Variants in SNPH observed in about 807,000 individuals in gnomAD.
The protein encoded by SNPH is syntaphilin.
Under a neutral mutation model 36.8 loss-of-function variants are expected in SNPH, and 10 were observed. That is an observed-to-expected ratio of 0.27 (90% confidence interval 0.17 to 0.46). The LOEUF is 0.46. Ranked by LOEUF, SNPH falls within the 20% of genes least tolerant of loss-of-function variation. The pLI is 1.00. For missense variants in SNPH, 622 were observed against 744.0 expected (o/e 0.84, Z 1.91); for synonymous variants, 281 against 312.2 (o/e 0.90, Z 1.05).
At position 1,304,833 on chromosome 20, in the gene SNPH, C is replaced by G. The variant is rs2088545820; in HGVS notation, c.441-45C>G. The G allele has an allele frequency of 3.2e-6, 5 of 1,540,446 alleles. No homozygotes were observed. The highest frequency in any genetic ancestry group is 1.7e-5 in the Admixed American group (1 of 58,504). On this transcript the variant is annotated intron_variant, in intron 6 of 6. Transcript: ENST00000381867. This position sits in a 1 kb window ranked among gnomAD's most constrained non-coding sequence, Gnocchi z 4.3. ...CTGCCTCTCCTTGGCGGTGACAGAC[C>G]AGGCAGGCAGGCAGTGAGCGTGTGT...
intron 2 of SNPH, among the ~76,000 whole-genome samples, chr20:1,278,495 C>T (rs145307931): frequency 3.3e-5 from 5 of 152,276 alleles, no homozygotes; most frequent in South Asian, 2.1e-4. Flanking sequence ...ACATCTCCAT[C>T]GTCCCCAAAA....
chr20:1,272,473 A>T lies in SNPH; in HGVS notation c.-493+5713A>T, dbSNP rs558845173. Among the ~76,000 whole-genome samples the T allele has an allele frequency of 2.0e-5, 3 of 152,374 alleles. No individual in the cohort carries two copies. In the South Asian group the frequency reaches 6.2e-4, roughly 32 times the overall value. ...CCTGCTCTCACCATTCTTGCCTACA[A>T]GAACATGTGCCCAATGTTGTCAGAT... On this transcript the variant is annotated intron_variant, in intron 2 of 6. Transcript: ENST00000381867.
At position 1,306,067 on chromosome 20, in the gene SNPH, T is replaced by A. The variant is rs4813082; in HGVS notation, c.*13T>A. 2.0e-5 allele frequency: 29 copies of A among 1,432,378 alleles called. No homozygotes were observed. Among genetic ancestry groups the A allele is most frequent in the Non-Finnish European group, 2.6e-5 (28 of 1,095,982 alleles). The allele number at this position is 1,432,378 out of a possible 1,614,324, so 88.7% of individuals were successfully genotyped here. A position where few individuals can be genotyped will look rare whatever the true frequency, so the allele number is the denominator to read the frequency against. Reference sequence around the variant, plus strand: ...CTCCCAGCTCTGAGGGGGCCCATTCTGGCAGCGGCGCCTGCGGCCTGACCA... The same window carrying A: ...CTCCCAGCTCTGAGGGGGCCCATTCAGGCAGCGGCGCCTGCGGCCTGACCA... On this transcript the variant is annotated 3_prime_UTR_variant, in exon 7 of 7. Coordinates refer to ENST00000381867, the MANE Select transcript of SNPH (RefSeq NM_001318234.2).
At position 1,286,569 on chromosome 20, in the gene SNPH, G is replaced by A. The variant is rs75309938; in HGVS notation, c.-492-8382G>A. 7.8e-3 allele frequency among the ~76,000 whole-genome samples: 1,195 copies of A among 152,258 alleles called. 18 individuals are homozygous for A. Among genetic ancestry groups the A allele is most frequent in the African/African-American group, 0.027 (1,117 of 41,550 alleles). On this transcript the variant is annotated intron_variant, in intron 2 of 6. Coordinates refer to ENST00000381867, the MANE Select transcript of SNPH (RefSeq NM_001318234.2). ...ATGAACCTTGGCTTCCAACAGGAGC[G>A]GCATGCCTGGAACTGTTGGTGGGAT... is the stretch of plus-strand genomic sequence containing the variant.
chr20:1,298,188 T>C (rs961356546), intron 5 of SNPH, among the ~76,000 whole-genome samples: 1 of 152,170 alleles, frequency 6.6e-6, no homozygotes, highest in African/African-American at 2.4e-5. Context: ...CCATTTCCTT[T>C]CTTTAAAGTG....
At position 1,305,908 on chromosome 20, in the gene SNPH, C is replaced by A; in HGVS notation, c.1471C>A (p.Gln491Lys). 1 of 1,596,198 alleles carries A rather than the reference C, an allele frequency of 6.3e-7. No homozygotes were observed. Among genetic ancestry groups the A allele is most frequent in the Admixed American group, 1.7e-5 (1 of 57,738 alleles). Residue 491 changes from glutamine (Q) to lysine (K), a missense_variant, in exon 7 of 7, where the codon CAG becomes AAG. Gln to Lys is a moderately conservative substitution (Grantham distance 53). Coordinates refer to ENST00000381867, the MANE Select transcript of SNPH (RefSeq NM_001318234.2). ...VPTVAWLCRS[Q>K]RRQGQPIYNI... The stretch of plus-strand genomic sequence containing the variant: ...CACGGTGGCCTGGCTTTGCCGCTCC[C>A]AGCGGCGCCAGGGCCAGCCCATCTA...
chr20:1,307,354 G>A lies in SNPH; in HGVS notation c.*1300G>A, dbSNP rs1024885229. On this transcript the variant is annotated 3_prime_UTR_variant, in exon 7 of 7. Coordinates refer to ENST00000381867, the MANE Select transcript of SNPH (RefSeq NM_001318234.2). ...CCCTGCTCCCAGCCCAAGGCCAGTC[G>A]GCCTGGGAAGTTCACTGCCCCAACT... 1.3e-5 allele frequency: 2 copies of A among 152,154 alleles called. No homozygotes were observed. The highest frequency in any genetic ancestry group is 2.9e-5 in the Non-Finnish European group (2 of 68,014). The allele number at this position is 152,154 out of a possible 1,614,324, so 9.4% of individuals were successfully genotyped here.
At chr20:1,284,230 T>G (rs1285546801) in intron 2 of SNPH, among the ~76,000 whole-genome samples, 3 of 152,302 alleles carry the variant, frequency 2.0e-5, no homozygotes, top group African/African-American at 7.2e-5. Context: ...TAGAAAGGAC[T>G]ATAATAATAT....
intron 6 of SNPH, among the ~76,000 whole-genome samples, chr20:1,302,864 T>C (rs2088520608): frequency 6.6e-6 from 1 of 152,246 alleles, no homozygotes; most frequent in Non-Finnish European, 1.5e-5. Context: ...AGGATTTCTA[T>C]TTTTATTTTC....
Position 1,276,757 on chromosome 20 carries a change from C to T in SNPH, c.-493+9997C>T, listed in dbSNP as rs551481001. On this transcript the variant is annotated intron_variant, in intron 2 of 6. Coordinates refer to ENST00000381867, the MANE Select transcript of SNPH (RefSeq NM_001318234.2). This position sits in a 1 kb window ranked among gnomAD's most constrained non-coding sequence, Gnocchi z 4.6. ...ATCTTCATTTGGCAGTGAGCTCCCT[C>T]CTCACTGGAGGTATTCAAACTGGGT... Among the ~76,000 whole-genome samples, 3 of 152,314 alleles carry T rather than the reference C, an allele frequency of 2.0e-5. No homozygotes were observed. Among genetic ancestry groups the T allele is most frequent in the African/African-American group, 7.2e-5 (3 of 41,574 alleles).
At chr20:1,280,045 A>G (rs907497686) in intron 2 of SNPH, among the ~76,000 whole-genome samples, 2 of 152,182 alleles carry the variant, frequency 1.3e-5, no homozygotes, top group Admixed American at 1.3e-4. Context: ...ACTATTCAGT[A>G]AGGAAGGTTT....
intron 2 of SNPH, among the ~76,000 whole-genome samples, chr20:1,281,439 T>G (rs2122298956): frequency 6.6e-6 from 1 of 152,310 alleles, no homozygotes; most frequent in Non-Finnish European, 1.5e-5. Flanking sequence ...ACCTTAAATT[T>G]GATCAGAACT....
chr20:1,305,220 G>A lies in SNPH; in HGVS notation c.783G>A (p.Lys261=), dbSNP rs772787492. The A allele has an allele frequency of 1.2e-6, 2 of 1,611,700 alleles. No homozygotes were observed. The highest frequency in any genetic ancestry group is 2.2e-5 in the East Asian group (1 of 44,874). ...RSLTRSSTYT[K]LSDPAVCGDR... ...TCACCCGCAGCTCCACCTACACCAA[G>A]CTGAGTGACCCGGCTGTCTGTGGTG... is the stretch of plus-strand genomic sequence containing the variant. The change falls in exon 7 of 7, where the codon AAG becomes AAA. Residue 261 remains lysine (K), a synonymous_variant. Coordinates refer to ENST00000381867, the MANE Select transcript of SNPH (RefSeq NM_001318234.2).
rs535382390 is a variant in SNPH, at chr20:1,308,086, C to T, written c.*2032C>T. The T allele has an allele frequency of 1.3e-5, 2 of 152,834 alleles. No homozygotes were observed. The highest frequency in any genetic ancestry group is 2.9e-5 in the Non-Finnish European group (2 of 68,160). The allele number at this position is 152,834 out of a possible 1,614,324, so 9.5% of individuals were successfully genotyped here. The stretch of plus-strand genomic sequence containing the variant: ...TTTTCACCACTGGAATTTAGTCAAG[C>T]TTCAGGCCCCTCTGCTCCTGTCTGT... On this transcript the variant is annotated 3_prime_UTR_variant, in exon 7 of 7. Coordinates refer to ENST00000381867, the MANE Select transcript of SNPH (RefSeq NM_001318234.2).
intron 2 of SNPH, among the ~76,000 whole-genome samples, chr20:1,281,182 C>T (rs907102742): frequency 9.2e-5 from 14 of 152,148 alleles, no homozygotes; most frequent in African/African-American, 3.1e-4. Flanking sequence ...CTTCTGGGGA[C>T]CCTCAAGAGT....
At chr20:1,281,008 G>A (rs1402802170) in intron 2 of SNPH, among the ~76,000 whole-genome samples, 1 of 152,148 alleles carries the variant, frequency 6.6e-6, no homozygotes, top group Admixed American at 6.5e-5. Flanking sequence ...GTGGAGTGGG[G>A]GGTGTGTTTG....
At chr20:1,282,349 G>T (rs2088235629) in intron 2 of SNPH, among the ~76,000 whole-genome samples, 1 of 152,210 alleles carries the variant, frequency 6.6e-6, no homozygotes, top group Non-Finnish European at 1.5e-5. Flanking sequence ...AACCATGACA[G>T]ACCCATCAAA....
At chr20:1,277,624 CTGTG>C (rs59375718) in intron 2 of SNPH, among the ~76,000 whole-genome samples, 2 of 123,352 alleles carry the variant, frequency 1.6e-5, no homozygotes, top group East Asian at 2.5e-4. Context: ...GTATGTGTGC[CTGTG>C]TGTGTGTGTC....
chr20:1,287,997 C>A (rs934948812), intron 2 of SNPH, among the ~76,000 whole-genome samples: 2 of 152,194 alleles, frequency 1.3e-5, no homozygotes, highest in Admixed American at 1.3e-4. Flanking sequence ...GAGGGGCAGC[C>A]GTGGAGCAGC....
Sources: allele counts gnomAD v4.1 joint callset (sites outside exome capture counted in the v4.1 genomes callset), GRCh38; gene constraint gnomAD v4.1.1; non-coding constraint Gnocchi (gnomAD v3.1); transcripts MANE v1.5; gene names NCBI Gene and HGNC (gene_info 2026-07-23, HGNC 2026-07-21).